The following WFDC2 variants were observed in gnomAD, a reference collection of about 807,000 sequenced individuals.
The protein encoded by WFDC2 is WAP four-disulfide core domain 2, also known as WAP four-disulfide core domain protein 2.
A neutral mutation model predicts 12.5 loss-of-function variants in WFDC2; 8 were observed. The observed-to-expected ratio is 0.64, with a 90% CI of 0.37 to 1.15. The LOEUF (loss-of-function observed/expected upper bound fraction) is 1.15. Among genes scored for constraint, WFDC2 ranks in the 50% most tolerant of loss-of-function variants. The probability of loss-of-function intolerance (pLI) is 0.01; values close to 1 mark genes in which losing one functional copy is unlikely to be tolerated. For missense variants in WFDC2, 166 were observed against 159.9 expected (o/e 1.04, Z -0.21); for synonymous variants, 74 against 67.2 (o/e 1.10, Z -0.49).
chr20:45,472,605 C>G (rs6032217), intron 2 of WFDC2, among the ~76,000 whole-genome samples: 32,291 of 128,394 alleles, frequency 0.25, 4,211 homozygotes, highest in East Asian at 0.45. Context: ...TGGGCATTTG[C>G]GTTGGTTCCA....
intron 1 of WFDC2, 121 bp downstream of exon 1, chr20:45,469,981 G>A (rs990998376): frequency 5.8e-5 from 75 of 1,292,560 alleles, no homozygotes; most frequent in Non-Finnish European, 7.4e-5. Context: ...GGCGGAAGTG[G>A]CGGGGACCCT....
intron 2 of WFDC2, among the ~76,000 whole-genome samples, chr20:45,477,490 A>G (rs1991247234): frequency 6.6e-6 from 1 of 152,188 alleles, no homozygotes; most frequent in Admixed American, 6.5e-5. Context: ...TTGCCTGGCT[A>G]TCACCAGCAG....
chr20:45,472,119 A>ATT (rs11483289), intron 2 of WFDC2, among the ~76,000 whole-genome samples: 60 of 151,492 alleles, frequency 4.0e-4, no homozygotes, highest in Middle Eastern at 3.4e-3. Context: ...ACTTAACAAC[A>ATT]TTTTTTTTTG....
At position 45,470,553 on chromosome 20, in the gene WFDC2, C is replaced by A. The variant is rs1425399356; in HGVS notation, c.223+21C>A. ...CAATGGTAACCCCACGGCGGCCGAG[C>A]GGGAACGGGGCGGGGCCGCGCTGGG... On this transcript the variant is annotated intron_variant, in intron 2 of 3. Coordinates refer to ENST00000372676, the MANE Select transcript of WFDC2 (RefSeq NM_006103.4). This position sits in a 1 kb window ranked among gnomAD's most constrained non-coding sequence, Gnocchi z 5.4. 2 of 1,576,088 alleles carry A rather than the reference C, an allele frequency of 1.3e-6. No homozygotes were observed. Among genetic ancestry groups the A allele is most frequent in the Non-Finnish European group, 1.7e-6 (2 of 1,158,972 alleles).
chr20:45,469,883 C>G (rs957265455), intron 1 of WFDC2, 23 bp downstream of exon 1: 3 of 1,585,942 alleles, frequency 1.9e-6, no homozygotes, highest in South Asian at 2.3e-5. Flanking sequence ...GGGAGAGGCC[C>G]GGCGCCTAGA....
chr20:45,479,931 T>C lies in WFDC2; in HGVS notation c.224-11T>C. The C allele has an allele frequency of 6.2e-6, 10 of 1,614,240 alleles. No individual in the cohort carries two copies. The highest frequency in any genetic ancestry group is 1.1e-5 in the South Asian group (1 of 91,084). On this transcript the variant is annotated splice_polypyrimidine_tract_variant and intron_variant, in intron 2 of 3. Transcript: ENST00000372676. ...CTCTGCCCACTTACCCTTACTCCTT[T>C]TTCTACCCAGATAAGGAGGGTTCCT...
In WFDC2 at chr20:45,476,592, G is replaced by A. The variant is rs907839323; in HGVS notation, c.224-3350G>A. Among the ~76,000 whole-genome samples, 12 of 152,114 alleles carry A rather than the reference G, an allele frequency of 7.9e-5. 1 individual carries two copies. The highest frequency in any genetic ancestry group is 6.5e-4 in the Admixed American group (10 of 15,268). ...TGGGTAACCCAACCTTTCTCTCTGGGTGCCCTTAACATTTTTTTCTTCATT... is the reference window on the plus strand; with the variant it reads ...TGGGTAACCCAACCTTTCTCTCTGGATGCCCTTAACATTTTTTTCTTCATT... On this transcript the variant is annotated intron_variant, in intron 2 of 3. Transcript: ENST00000372676.
intron 2 of WFDC2, chr20:45,471,422 T>C (rs1050705796): frequency 3.8e-6 from 1 of 265,548 alleles, no homozygotes; most frequent in Non-Finnish European, 7.8e-6. Context: ...ACCAAGGTAC[T>C]GTAATGATGT....
chr20:45,471,880 G>C (rs1035178472), intron 2 of WFDC2, among the ~76,000 whole-genome samples: 13 of 152,090 alleles, frequency 8.5e-5, no homozygotes, highest in African/African-American at 2.7e-4. Context: ...TTACCTCTCT[G>C]AGCCTCTGCT....
intron 2 of WFDC2, among the ~76,000 whole-genome samples, chr20:45,474,210 G>A (rs1349781111): frequency 6.6e-6 from 1 of 152,084 alleles, no homozygotes; most frequent in African/African-American, 2.4e-5. Context: ...AATTTCTAAT[G>A]CTATGTTGAA....
chr20:45,481,152 A>G (rs1363784214), intron 3 of WFDC2, among the ~76,000 whole-genome samples: 2 of 151,952 alleles, frequency 1.3e-5, no homozygotes, highest in Non-Finnish European at 2.9e-5. Context: ...GTCTGACCAC[A>G]GTATACCCAG....
Position 45,470,174 on chromosome 20 carries a change from G to T in WFDC2, c.80-215G>T, listed in dbSNP as rs971572768. Among the ~76,000 whole-genome samples the T allele has an allele frequency of 1.3e-5, 2 of 152,158 alleles. No individual in the cohort carries two copies. The highest frequency in any genetic ancestry group is 2.9e-5 in the Non-Finnish European group (2 of 68,020). Reference sequence around the variant, plus strand: ...GCTGTGCGGCGTCCCCTAGGGCTGAGATCTGAGGGCCCCGACGCCAAGGGT... The same window carrying T: ...GCTGTGCGGCGTCCCCTAGGGCTGATATCTGAGGGCCCCGACGCCAAGGGT... On this transcript the variant is annotated intron_variant, in intron 1 of 3. Coordinates refer to ENST00000372676, the MANE Select transcript of WFDC2 (RefSeq NM_006103.4). The surrounding 1 kb of genome is among the most constrained non-coding windows in gnomAD (Gnocchi z 5.4).
chr20:45,479,282 G>A (rs1991271283), intron 2 of WFDC2, among the ~76,000 whole-genome samples: 1 of 152,206 alleles, frequency 6.6e-6, no homozygotes. Flanking sequence ...TTAAGTGGCA[G>A]CATAGTGCTT....
At position 45,470,417 on chromosome 20, in the gene WFDC2, C is replaced by T; in HGVS notation, c.108C>T (p.Cys36=). The T allele has an allele frequency of 6.3e-7, 1 of 1,590,490 alleles. No homozygotes were observed. The highest frequency in any genetic ancestry group is 8.6e-7 in the Non-Finnish European group (1 of 1,167,630). ...SGTGAEKTGV[C]PELQADQNCT... ...CAGGAGCAGAGAAGACTGGCGTGTGCCCCGAGCTCCAGGCTGACCAGAACT... is the reference window on the plus strand; with the variant it reads ...CAGGAGCAGAGAAGACTGGCGTGTGTCCCGAGCTCCAGGCTGACCAGAACT... Residue 36 remains cysteine (C), a synonymous_variant, in exon 2 of 4, where the codon TGC becomes TGT. Transcript: ENST00000372676. This position sits in a 1 kb window ranked among gnomAD's most constrained non-coding sequence, Gnocchi z 5.4.
At chr20:45,475,363 T>G (rs1385038615) in intron 2 of WFDC2, among the ~76,000 whole-genome samples, 4 of 152,214 alleles carry the variant, frequency 2.6e-5, no homozygotes, top group Admixed American at 2.6e-4. Context: ...GTCTCAGAGA[T>G]TCTGGTATGT....
In WFDC2 at chr20:45,469,797, C is replaced by T. The variant is rs1229638624; in HGVS notation, c.16C>T (p.Leu6=). Residue 6 remains leucine (L), a synonymous_variant, in exon 1 of 4, where the codon CTA becomes TTA. Coordinates refer to ENST00000372676, the MANE Select transcript of WFDC2 (RefSeq NM_006103.4). ...GCATAGCACCATGCCTGCTTGTCGC[C>T]TAGGCCCGCTAGCCGCCGCCCTCCT... MPACR[L]GPLAAALLLS... is the part of the protein sequence containing the mutation. 7 of 1,609,750 alleles carry T rather than the reference C, an allele frequency of 4.3e-6. No individual in the cohort carries two copies. Among genetic ancestry groups the T allele is most frequent in the African/African-American group, 2.7e-5 (2 of 74,888 alleles).
intron 2 of WFDC2, among the ~76,000 whole-genome samples, chr20:45,473,002 T>G (rs991778793): frequency 1.3e-5 from 2 of 152,270 alleles, no homozygotes; most frequent in Non-Finnish European, 2.9e-5. Context: ...GAGAAGCATC[T>G]GTTCATATCC....
In WFDC2 at chr20:45,470,385, C is replaced by T. The variant is rs879172287; in HGVS notation, c.80-4C>T. The T allele has an allele frequency of 6.3e-7, 1 of 1,581,348 alleles. No individual in the cohort carries two copies. Among genetic ancestry groups the T allele is most frequent in the South Asian group, 1.2e-5 (1 of 86,730 alleles). On this transcript the variant is annotated splice_region_variant and splice_polypyrimidine_tract_variant and intron_variant, in intron 1 of 3. Transcript: ENST00000372676. This position sits in a 1 kb window ranked among gnomAD's most constrained non-coding sequence, Gnocchi z 5.4. ...CCTCGACTGTCCCGGGCCTCCCCTCCCAGGCACAGGAGCAGAGAAGACTGG... is the reference window on the plus strand; with the variant it reads ...CCTCGACTGTCCCGGGCCTCCCCTCTCAGGCACAGGAGCAGAGAAGACTGG...
Position 45,470,308 on chromosome 20 carries a change from T to G in WFDC2, c.80-81T>G. 1 of 1,488,796 alleles carries G rather than the reference T, an allele frequency of 6.7e-7. No individual in the cohort carries two copies. Among genetic ancestry groups the G allele is most frequent in the Non-Finnish European group, 9.0e-7 (1 of 1,115,060 alleles). The allele number at this position is 1,488,796 out of a possible 1,614,324, so 92.2% of individuals were successfully genotyped here. ...CCAGAGACTGAGAATTCCTTGGGGT[T>G]AAGGTTTGGAGCAGGAGGTGGGCAT... On this transcript the variant is annotated intron_variant, in intron 1 of 3. Transcript: ENST00000372676. The surrounding 1 kb of genome is among the most constrained non-coding windows in gnomAD (Gnocchi z 5.4).
Sources: allele counts gnomAD v4.1 joint callset (sites outside exome capture counted in the v4.1 genomes callset), GRCh38; gene constraint gnomAD v4.1.1; non-coding constraint Gnocchi (gnomAD v3.1); transcripts MANE v1.5; gene names NCBI Gene and HGNC (gene_info 2026-07-23, HGNC 2026-07-21).